The following TMC1 variants were observed in gnomAD, a reference collection of about 807,000 sequenced individuals.
TMC1 encodes the protein transmembrane channel-like protein 1.
TMC1 carries 84 observed loss-of-function variants against 105.8 expected under a neutral mutation model. That is an observed-to-expected ratio of 0.79 (90% confidence interval 0.67 to 0.95). The LOEUF (loss-of-function observed/expected upper bound fraction) is 0.95, where lower values mean the gene tolerates loss of function less well. TMC1 is among the 40% of genes least tolerant of loss of function. TMC1 has a pLI of 0.00. For missense variants in TMC1, 817 were observed against 914.1 expected, an observed-to-expected ratio of 0.89 and a Z score of 1.37; for synonymous variants, 315 against 311.5, an observed-to-expected ratio of 1.01 and a Z score of -0.12.
intron 8 of TMC1, among the ~76,000 whole-genome samples, chr9:72,721,590 C>A (rs1335260769): frequency 2.0e-5 from 3 of 152,074 alleles, no homozygotes; most frequent in South Asian, 2.1e-4. Context: ...AATTTCTTCC[C>A]AACAATGACA....
chr9:72,540,379 C>CT (rs1479745704), intron 1 of TMC1, among the ~76,000 whole-genome samples: 1 of 152,180 alleles, frequency 6.6e-6, no homozygotes, highest in African/African-American at 2.4e-5. Context: ...GCTTGCATGA[C>CT]TTCCCTAAGG....
intron 5 of TMC1, among the ~76,000 whole-genome samples, chr9:72,667,449 G>T (rs1465970118): frequency 1.3e-5 from 2 of 152,298 alleles, no homozygotes; most frequent in African/African-American, 4.8e-5. Flanking sequence ...TCAAAAAGAT[G>T]TAGAAATCTC....
intron 4 of TMC1, among the ~76,000 whole-genome samples, chr9:72,628,639 T>C (rs1336884837): frequency 1.1e-4 from 17 of 152,248 alleles, no homozygotes; most frequent in Admixed American, 1.0e-3. Flanking sequence ...TTCTGAAAGT[T>C]CTTTTCTTCT....
At chr9:72,526,387 G>A (rs1823408914) in intron 1 of TMC1, among the ~76,000 whole-genome samples, 1 of 152,126 alleles carries the variant, frequency 6.6e-6, no homozygotes, top group African/African-American at 2.4e-5. Context: ...ACCCTCAATG[G>A]ATACTACTTA....
intron 8 of TMC1, among the ~76,000 whole-genome samples, chr9:72,735,949 G>A (rs1367024709): frequency 6.6e-6 from 1 of 152,168 alleles, no homozygotes; most frequent in East Asian, 1.9e-4. Flanking sequence ...GGGGAGCAGG[G>A]ATTAGCTAAA....
At position 72,711,523 on chromosome 9, in the gene TMC1, G is replaced by C. The variant is rs145818409; in HGVS notation, c.362+10880G>C. ...TTGCATTTCTCTAATAACCAGTGATGATGAGCCTTTTTTTCATATGTTGGT... is the reference window on the plus strand; with the variant it reads ...TTGCATTTCTCTAATAACCAGTGATCATGAGCCTTTTTTTCATATGTTGGT... On this transcript the variant is annotated intron_variant, in intron 8 of 23. Transcript: ENST00000297784. Among the ~76,000 whole-genome samples, 17 of 152,282 alleles carry C rather than the reference G, an allele frequency of 1.1e-4. No individual in the cohort carries two copies. The East Asian group carries it at 1.5e-3, about 14-fold the overall frequency.
chr9:72,737,025 A>G (rs528473069), intron 8 of TMC1, among the ~76,000 whole-genome samples: 61 of 152,338 alleles, frequency 4.0e-4, no homozygotes, highest in African/African-American at 1.4e-3. Flanking sequence ...GGCCTTCAAA[A>G]GGGTGCAGCT....
chr9:72,721,163 C>T lies in TMC1; in HGVS notation c.363-18956C>T, dbSNP rs538604896. On this transcript the variant is annotated intron_variant, in intron 8 of 23. Transcript: ENST00000297784. ...GAATTAAGAAGCACATGCAGAAAAG[C>T]TCTCTGCCTCTTCTATTTGCCTAAA... Among the ~76,000 whole-genome samples the T allele has an allele frequency of 7.7e-4, 117 of 152,274 alleles. 2 individuals carry two copies. In the Middle Eastern group the frequency reaches 0.014, roughly 18 times the overall value.
chr9:72,743,712 TAGGAAGGAAGGA>T (rs144187332), intron 10 of TMC1, among the ~76,000 whole-genome samples: 4 of 151,476 alleles, frequency 2.6e-5, no homozygotes, highest in Admixed American at 2.0e-4. Context: ...AGAATATTCA[TAGGAAGGAAGGA>T]AGGAAGGAAG....
chr9:72,729,161 T>C (rs1449191095), intron 8 of TMC1, among the ~76,000 whole-genome samples: 1 of 152,100 alleles, frequency 6.6e-6, no homozygotes, highest in Non-Finnish European at 1.5e-5. Context: ...AACACCAGCA[T>C]CTGGCTTTAA....
chr9:72,643,435 A>G (rs1228345141), intron 4 of TMC1, among the ~76,000 whole-genome samples: 1 of 152,216 alleles, frequency 6.6e-6, no homozygotes, highest in Non-Finnish European at 1.5e-5. Context: ...AACACTTTCA[A>G]GGTAATAACA....
In TMC1 at chr9:72,789,308, A is replaced by G. The variant is rs767390037; in HGVS notation, c.1215A>G (p.Glu405=). 6.2e-7 allele frequency: 1 copy of G among 1,613,894 alleles called. No individual in the cohort carries two copies. The highest frequency in any genetic ancestry group is 8.5e-7 in the Non-Finnish European group (1 of 1,179,890). The part of the protein sequence containing the change: ...QQDPDTLGWW[E]KNEMNMVMSL... Reference sequence around the variant, plus strand: ...ATCCTGACACCCTTGGGTGGTGGGAAAAAAATGAAGTTCGTCTCTGCATGC... The same window carrying G: ...ATCCTGACACCCTTGGGTGGTGGGAGAAAAATGAAGTTCGTCTCTGCATGC... Residue 405 remains glutamate, a synonymous_variant, in exon 15 of 24, where the codon GAA becomes GAG. Coordinates refer to ENST00000297784, the MANE Select transcript of TMC1 (RefSeq NM_138691.3).
chr9:72,583,323 A>G (rs1165602070), intron 2 of TMC1, among the ~76,000 whole-genome samples: 2 of 152,200 alleles, frequency 1.3e-5, no homozygotes, highest in East Asian at 3.8e-4. Flanking sequence ...AATAATTTTG[A>G]CACCTACTTC....
chr9:72,544,102 C>T (rs116941553), intron 1 of TMC1, among the ~76,000 whole-genome samples: 5 of 152,044 alleles, frequency 3.3e-5, no homozygotes, highest in Non-Finnish European at 7.4e-5. Flanking sequence ...CAGCATGTGC[C>T]ACCACACCTC....
At chr9:72,737,801 A>G (rs1388527623) in intron 8 of TMC1, among the ~76,000 whole-genome samples, 1 of 152,188 alleles carries the variant, frequency 6.6e-6, no homozygotes, top group Non-Finnish European at 1.5e-5. Context: ...CTTAGTTTTT[A>G]ATTTTTGCCA....
intron 1 of TMC1, among the ~76,000 whole-genome samples, chr9:72,522,154 G>GTTTTTTTTGT (rs1554708743): frequency 0.13 from 6,096 of 47,636 alleles, 214 homozygotes; most frequent in African/African-American, 0.33. Context: ...TAATTGATAA[G>GTTTTTTTTGT]TTTTTTTTTT....
chr9:72,792,360 C>T lies in TMC1; in HGVS notation c.1566+8C>T, dbSNP rs202184917. The T allele has an allele frequency of 1.0e-4, 162 of 1,614,012 alleles. 1 individual carries two copies. The African/African-American group carries it at 2.0e-3, about 20-fold the overall frequency. On this transcript the variant is annotated splice_region_variant and intron_variant, in intron 17 of 23. Transcript: ENST00000297784. Reference sequence around the variant, plus strand: ...GAAACAATGGTGGGACAGGTAATGCCACCAACAGAAGTGTATGGCAATTAG... The same window carrying T: ...GAAACAATGGTGGGACAGGTAATGCTACCAACAGAAGTGTATGGCAATTAG...
intron 5 of TMC1, among the ~76,000 whole-genome samples, chr9:72,676,414 T>C (rs958705266): frequency 6.6e-6 from 1 of 152,190 alleles, no homozygotes; most frequent in Non-Finnish European, 1.5e-5. Flanking sequence ...TTGAATGCCC[T>C]TGTAGACTAT....
chr9:72,706,875 A>G (rs1826750804), intron 8 of TMC1, among the ~76,000 whole-genome samples: 1 of 151,696 alleles, frequency 6.6e-6, no homozygotes. Context: ...GCCAGGTTCA[A>G]GCGATTTTCC....
Sources: allele counts gnomAD v4.1 joint callset (sites outside exome capture counted in the v4.1 genomes callset), GRCh38; gene constraint gnomAD v4.1.1; transcripts MANE v1.5; gene names NCBI Gene and HGNC (gene_info 2026-07-23, HGNC 2026-07-21).